The following TBC1D8 variants were observed in gnomAD, a reference collection of about 807,000 sequenced individuals.
TBC1D8 encodes the protein TBC1 domain family member 8.
TBC1D8 carries 65 observed loss-of-function variants against 118.8 expected under a neutral mutation model. The observed-to-expected ratio is 0.55, with a 90% CI of 0.45 to 0.67. TBC1D8 has a LOEUF of 0.67. Among genes scored for constraint, TBC1D8 ranks in the 30% least tolerant of loss-of-function variants. The pLI is 0.00. For synonymous variants in TBC1D8, 566 were observed against 595.8 expected (o/e 0.95, Z 0.73); for missense variants, 1,376 against 1,471.2 (o/e 0.94, Z 1.06).
intron 12 of TBC1D8, chr2:101,028,645 T>C: frequency 3.7e-6 from 2 of 536,902 alleles, no homozygotes; most frequent in Non-Finnish European, 6.3e-6. Context: ...TTTCCAGGCC[T>C]GAAACTCTCC....
chr2:101,072,754 C>T (rs58348505), intron 2 of TBC1D8, among the ~76,000 whole-genome samples: 11,932 of 152,078 alleles, frequency 0.078, 1,337 homozygotes, highest in African/African-American at 0.24. Context: ...ACTTGCCTGC[C>T]GCTCACCTCG....
chr2:101,122,351 G>A (rs1461518759), intron 1 of TBC1D8, among the ~76,000 whole-genome samples: 1 of 130,370 alleles, frequency 7.7e-6, no homozygotes, highest in Admixed American at 9.4e-5. Flanking sequence ...GATTACAGGC[G>A]TGAGCCACCG....
intron 19 of TBC1D8, 36 bp downstream of exon 19, chr2:101,010,893 A>AG: frequency 2.5e-6 from 4 of 1,578,220 alleles, no homozygotes; most frequent in Non-Finnish European, 3.4e-6. Flanking sequence ...AAAAAAAAAA[A>AG]AAAAGTTAAT....
At chr2:101,131,688 G>A (rs879604544) in intron 1 of TBC1D8, among the ~76,000 whole-genome samples, 19 of 151,910 alleles carry the variant, frequency 1.3e-4, no homozygotes, top group Admixed American at 5.9e-4. Flanking sequence ...GGTGGTGGGC[G>A]CCTGTAGTCC....
At chr2:101,125,551 C>T (rs934307288) in intron 1 of TBC1D8, among the ~76,000 whole-genome samples, 6 of 152,190 alleles carry the variant, frequency 3.9e-5, no homozygotes, top group South Asian at 2.1e-4. Flanking sequence ...GGGTCAGCCC[C>T]GTGCCCTTAC....
intron 7 of TBC1D8, among the ~76,000 whole-genome samples, 189 bp downstream of exon 7, chr2:101,038,272 C>A (rs1164041200): frequency 1.3e-5 from 2 of 152,150 alleles, no homozygotes; most frequent in African/African-American, 4.8e-5. Flanking sequence ...GACCCCGTCA[C>A]CCCCTCCAAG....
At position 101,143,566 on chromosome 2, in the gene TBC1D8, C is replaced by T. The variant is rs192226399; in HGVS notation, c.127+7561G>A. Among the ~76,000 whole-genome samples the T allele has an allele frequency of 4.6e-3, 703 of 152,160 alleles. 4 individuals are homozygous for T. Among genetic ancestry groups the T allele is most frequent in the African/African-American group, 0.015 (639 of 41,514 alleles). On this transcript the variant is annotated intron_variant, in intron 1 of 19. Coordinates refer to ENST00000409318, the MANE Select transcript of TBC1D8 (RefSeq NM_001330348.2). ...TACCAATAGGTAGTTCTTCCCCCGC[C>T]GCCCCTACCCCTTGAGAGGGTCTCA...
intron 9 of TBC1D8, 81 bp from the exon 10 acceptor site, chr2:101,033,839 G>A (rs1680830255): frequency 2.0e-6 from 3 of 1,464,574 alleles, no homozygotes; most frequent in African/African-American, 1.4e-5. Flanking sequence ...TCCCATCAGG[G>A]GACCCCAGTG....
intron 2 of TBC1D8, among the ~76,000 whole-genome samples, chr2:101,086,816 G>C (rs931133937): frequency 4.6e-5 from 7 of 152,142 alleles, no homozygotes; most frequent in Non-Finnish European, 1.5e-5. Flanking sequence ...CATGGAGTCT[G>C]ACTCTGTTGT....
chr2:101,061,654 C>T (rs888695803), intron 2 of TBC1D8, among the ~76,000 whole-genome samples: 1 of 152,104 alleles, frequency 6.6e-6, no homozygotes, highest in African/African-American at 2.4e-5. Context: ...ATGACCCTGC[C>T]CTGCTGCCCC....
chr2:101,043,968 G>T (rs1381020715), intron 5 of TBC1D8, among the ~76,000 whole-genome samples: 2 of 152,036 alleles, frequency 1.3e-5, no homozygotes, highest in Non-Finnish European at 2.9e-5. Context: ...AAAAGAATAA[G>T]GTGCTCCCGT....
intron 1 of TBC1D8, among the ~76,000 whole-genome samples, chr2:101,109,466 T>C (rs1000975468): frequency 2.0e-5 from 3 of 152,172 alleles, no homozygotes; most frequent in Admixed American, 2.0e-4. Flanking sequence ...TATACATATA[T>C]ACACATAGAG....
At chr2:101,052,475 A>G (rs1452035100) in intron 4 of TBC1D8, among the ~76,000 whole-genome samples, 2 of 114,228 alleles carry the variant, frequency 1.8e-5, no homozygotes, top group South Asian at 2.9e-4. Context: ...TATTTTTCCT[A>G]AATCTTTTTT....
intron 17 of TBC1D8, chr2:101,018,855 T>G (rs61213239): frequency 9.9e-7 from 1 of 1,014,038 alleles, no homozygotes; most frequent in African/African-American, 1.6e-5. Flanking sequence ...GTCCAATTAG[T>G]ATAATTAACT....
intron 1 of TBC1D8, among the ~76,000 whole-genome samples, chr2:101,106,212 G>C (rs1677203309): frequency 6.6e-6 from 1 of 152,162 alleles, no homozygotes; most frequent in African/African-American, 2.4e-5. Flanking sequence ...CTGCTAGAGG[G>C]AAAAGGTTAA....
At chr2:101,015,390 TAACTG>T (rs1020172269) in intron 17 of TBC1D8, among the ~76,000 whole-genome samples, 15 of 152,210 alleles carry the variant, frequency 9.9e-5, no homozygotes, top group East Asian at 1.9e-4. Flanking sequence ...TATAAACACT[TAACTG>T]TACTGAGTTC....
At chr2:101,083,881 C>T in intron 2 of TBC1D8, among the ~76,000 whole-genome samples, 1 of 152,178 alleles carries the variant, frequency 6.6e-6, no homozygotes, top group Non-Finnish European at 1.5e-5. Flanking sequence ...TAACACAGTG[C>T]AAGATGCCCA....
chr2:101,126,069 T>C (rs1453886757), intron 1 of TBC1D8, among the ~76,000 whole-genome samples: 1 of 152,164 alleles, frequency 6.6e-6, no homozygotes, highest in Non-Finnish European at 1.5e-5. Context: ...ACAAGAAGCA[T>C]GGCACCAGTA....
chr2:101,073,063 T>C (rs1224841011), intron 2 of TBC1D8, among the ~76,000 whole-genome samples: 2 of 152,094 alleles, frequency 1.3e-5, no homozygotes, highest in African/African-American at 2.4e-5. Flanking sequence ...CAGAATACAT[T>C]TACCATAGTT....
Sources: gnomAD v4.1 joint callset for allele counts (sites outside exome capture counted in the v4.1 genomes callset) on GRCh38, gnomAD v4.1.1 for gene constraint, MANE v1.5 for transcripts, NCBI Gene and HGNC (gene_info 2026-07-23, HGNC 2026-07-21) for gene names.